The following CEP63 variants were observed in gnomAD, a reference collection of about 807,000 sequenced individuals.
CEP63 encodes the protein centrosomal protein 63.
CEP63 carries 84 observed loss-of-function variants against 89.1 expected under a neutral mutation model. The ratio of observed to expected loss-of-function variants is 0.94; its 90% CI spans 0.79 to 1.13. CEP63 has a LOEUF of 1.13. CEP63 is among the 50% of genes most tolerant of loss of function. The pLI, the probability that CEP63 is intolerant of heterozygous loss-of-function variation, is 0.00. For synonymous variants in CEP63, 267 were observed against 272.5 expected, an observed-to-expected ratio of 0.98 and a Z score of 0.20; for missense variants, 838 against 813.3, an observed-to-expected ratio of 1.03 and a Z score of -0.37.
chr3:134,625,330 TG>T, the CEP63 span, among the ~76,000 whole-genome samples: 1 of 152,250 alleles, frequency 6.6e-6, no homozygotes, highest in Admixed American at 6.5e-5. Flanking sequence ...TTGGGAACCA[TG>T]GCAACTCCCA....
chr3:134,689,762 T>C, the CEP63 span, among the ~76,000 whole-genome samples: 3 of 152,170 alleles, frequency 2.0e-5, no homozygotes, highest in Admixed American at 6.6e-5. Context: ...CCCCATATTA[T>C]TTTTTAATGA....
chr3:134,550,182 C>A lies in CEP63; in HGVS notation c.1302C>A (p.Thr434=). The change falls in exon 11 of 15, where the codon ACC becomes ACA. Residue 434 remains threonine (T), a synonymous_variant. Transcript: ENST00000675561. ...LHQRDITIAS[T]KGSSSDMEKR... ...AGCGAGATATCACTATTGCTTCCAC[C>A]AAAGGTTCTTCCTCAGACATGGAAA... 4.3e-6 allele frequency: 7 copies of A among 1,613,130 alleles called. No homozygotes were observed. The highest frequency in any genetic ancestry group is 5.9e-6 in the Non-Finnish European group (7 of 1,179,352).
rs901425556 is a variant in CEP63, at chr3:134,537,284, T to C, written c.555+16T>C. The C allele has an allele frequency of 6.7e-7, 1 of 1,496,136 alleles. No homozygotes were observed. The highest frequency in any genetic ancestry group is 9.3e-7 in the Non-Finnish European group (1 of 1,072,544). 92.7% of individuals were successfully genotyped at this position (1,496,136 alleles called of 1,614,324 possible). ...GATAATTCAGGTAGGCCTAAGACTTTTTAAAATAATGAGAAGCAGATAGGT... is the reference window on the plus strand; with the variant it reads ...GATAATTCAGGTAGGCCTAAGACTTCTTAAAATAATGAGAAGCAGATAGGT... On this transcript the variant is annotated intron_variant, in intron 6 of 14. Coordinates refer to ENST00000675561, the MANE Select transcript of CEP63 (RefSeq NM_001353108.3).
chr3:134,561,263 C>A, intron 14 of CEP63, 114 bp from the exon 15 acceptor site: 1 of 1,126,994 alleles, frequency 8.9e-7, no homozygotes, highest in Non-Finnish European at 1.3e-6. Flanking sequence ...AAAGTATCTT[C>A]AGAGGAAAAA....
chr3:134,497,632 G>A (rs1395564750), intron 2 of CEP63, among the ~76,000 whole-genome samples: 7 of 152,138 alleles, frequency 4.6e-5, no homozygotes. Flanking sequence ...AGCCTCCTGA[G>A]TAGTTGGGAT....
At chr3:134,681,591 G>A in the CEP63 span, among the ~76,000 whole-genome samples, 2 of 152,212 alleles carry the variant, frequency 1.3e-5, no homozygotes, top group African/African-American at 4.8e-5. Flanking sequence ...TATGGCAGGA[G>A]ATGGAGGAGC....
At chr3:134,604,884 C>T in the CEP63 span, among the ~76,000 whole-genome samples, 2 of 152,190 alleles carry the variant, frequency 1.3e-5, no homozygotes, top group African/African-American at 4.8e-5. Flanking sequence ...TTGCACCTTG[C>T]TCCCTGTAGC....
At chr3:134,640,104 C>T in the CEP63 span, among the ~76,000 whole-genome samples, 1 of 152,052 alleles carries the variant, frequency 6.6e-6, no homozygotes, top group Non-Finnish European at 1.5e-5. Context: ...TGTTCCTTTG[C>T]CACCTGTTGC....
At chr3:134,695,989 C>G in the CEP63 span, among the ~76,000 whole-genome samples, 1 of 152,164 alleles carries the variant, frequency 6.6e-6, no homozygotes, top group Admixed American at 6.5e-5. Flanking sequence ...TAGTGAGTGC[C>G]CCCGGGCTTT....
chr3:134,618,730 G>A, the CEP63 span, among the ~76,000 whole-genome samples: 1 of 152,138 alleles, frequency 6.6e-6, no homozygotes, highest in South Asian at 2.1e-4. Context: ...AATCTTTTCA[G>A]GTGGGAGATC....
chr3:134,746,458 A>C, the CEP63 span, among the ~76,000 whole-genome samples: 2 of 152,208 alleles, frequency 1.3e-5, no homozygotes, highest in African/African-American at 4.8e-5. Flanking sequence ...CACTGGGTCA[A>C]ATGGCATTTC....
the CEP63 span, chr3:134,647,324 C>T: frequency 2.3e-4 from 194 of 857,502 alleles, no homozygotes; most frequent in Non-Finnish European, 3.2e-4. Flanking sequence ...AGCCACTTTC[C>T]GTTCAGTGGT....
At chr3:134,690,770 A>G in the CEP63 span, among the ~76,000 whole-genome samples, 1 of 119,034 alleles carries the variant, frequency 8.4e-6, no homozygotes, top group African/African-American at 4.6e-5. Context: ...TTTTTTTGAG[A>G]TAGAGTCTCG....
the CEP63 span, chr3:134,604,071 C>T: frequency 3.2e-5 from 52 of 1,613,704 alleles, no homozygotes; most frequent in Non-Finnish European, 4.4e-5. Flanking sequence ...GGCCATCATC[C>T]CCGTGGAGGG....
At chr3:134,569,299 A>G (rs1957922092), downstream of CEP63, among the ~76,000 whole-genome samples, 1 of 152,234 alleles carries the variant, frequency 6.6e-6, no homozygotes, top group African/African-American at 2.4e-5. Context: ...CCATAGTCCA[A>G]AGTCTCATCT....
downstream of CEP63, among the ~76,000 whole-genome samples, chr3:134,579,762 T>C (rs1958300376): frequency 6.6e-6 from 1 of 152,338 alleles, no homozygotes; most frequent in East Asian, 1.9e-4. Context: ...CGAATGTCTA[T>C]AGTGGCATTA....
At chr3:134,504,113 CTT>C (rs74269454) in intron 2 of CEP63, among the ~76,000 whole-genome samples, 17 of 143,894 alleles carry the variant, frequency 1.2e-4, no homozygotes, top group Middle Eastern at 3.6e-3. Flanking sequence ...GTCTCTCTCT[CTT>C]TTTTTTTTTT....
At chr3:134,651,309 G>T in the CEP63 span, 1 of 1,179,350 alleles carries the variant, frequency 8.5e-7, no homozygotes, top group East Asian at 6.3e-5. Context: ...TTGAAGCGCT[G>T]GTCCTGGGCT....
intron 3 of CEP63, among the ~76,000 whole-genome samples, chr3:134,520,409 T>C (rs2108751385): frequency 6.6e-6 from 1 of 152,150 alleles, no homozygotes; most frequent in East Asian, 1.9e-4. Context: ...TGGAGAGAAA[T>C]TAAAACTGAT....
Sources: allele counts gnomAD v4.1 joint callset (sites outside exome capture counted in the v4.1 genomes callset), GRCh38; gene constraint gnomAD v4.1.1; transcripts MANE v1.5; gene names NCBI Gene and HGNC (gene_info 2026-07-23, HGNC 2026-07-21).